The following QTGAL variants were observed in gnomAD, a reference collection of about 807,000 sequenced individuals.
QTGAL encodes the protein BGnT-like protein 1.
At chr17:83,026,817 A>G in the QTGAL span, among the ~76,000 whole-genome samples, 18 of 37,084 alleles carry the variant, frequency 4.9e-4, no homozygotes, top group South Asian at 1.9e-3. Context: ...CACACAGAGC[A>G]GGGCGGGGAG....
At chr17:83,041,169 CAG>C in the QTGAL span, among the ~76,000 whole-genome samples, 1 of 151,090 alleles carries the variant, frequency 6.6e-6, no homozygotes, top group Non-Finnish European at 1.5e-5. Flanking sequence ...TTAGCAAACA[CAG>C]AGATAGATGG....
chr17:82,959,421 G>C, the QTGAL span, among the ~76,000 whole-genome samples: 1 of 151,316 alleles, frequency 6.6e-6, no homozygotes, highest in African/African-American at 2.4e-5. Context: ...TTTCGTGCAC[G>C]TATGTGTGTG....
chr17:83,008,852 G>A, the QTGAL span, among the ~76,000 whole-genome samples: 16 of 152,260 alleles, frequency 1.1e-4, no homozygotes, highest in Middle Eastern at 3.4e-3. Flanking sequence ...ATCCCAGCCC[G>A]GATCCCTGCC....
the QTGAL span, chr17:82,942,299 A>C: frequency 3.6e-6 from 4 of 1,108,042 alleles, no homozygotes; most frequent in Admixed American, 5.0e-5. Context: ...CACATAGCTC[A>C]GGCTGCCGGG....
chr17:82,983,576 T>C, the QTGAL span, among the ~76,000 whole-genome samples: 3 of 152,286 alleles, frequency 2.0e-5, no homozygotes, highest in Middle Eastern at 0.01. Flanking sequence ...TTCTCATTCC[T>C]GCCGACCTGT....
the QTGAL span, among the ~76,000 whole-genome samples, chr17:82,963,791 C>T: frequency 6.6e-6 from 1 of 152,098 alleles, no homozygotes; most frequent in Non-Finnish European, 1.5e-5. Context: ...GGGATGACAA[C>T]TTCCTAACAT....
the QTGAL span, among the ~76,000 whole-genome samples, chr17:82,982,153 C>T: frequency 1.5e-5 from 2 of 136,544 alleles, no homozygotes; most frequent in Non-Finnish European, 3.2e-5. Flanking sequence ...GGTGATGGGC[C>T]GAGCGGGTGG....
chr17:83,050,622 G>A, the QTGAL span, among the ~76,000 whole-genome samples: 2 of 152,336 alleles, frequency 1.3e-5, no homozygotes, highest in East Asian at 3.9e-4. Context: ...GCCTTTGGGC[G>A]ACTGCTAATC....
chr17:83,021,889 T>G, the QTGAL span, among the ~76,000 whole-genome samples: 34 of 152,122 alleles, frequency 2.2e-4, no homozygotes, highest in East Asian at 1.4e-3. Flanking sequence ...AGCACAGAAA[T>G]AGATCAAATA....
At chr17:82,997,958 TCTAG>T in the QTGAL span, among the ~76,000 whole-genome samples, 3 of 146,946 alleles carry the variant, frequency 2.0e-5, no homozygotes, top group African/African-American at 7.7e-5. Flanking sequence ...TCTATATCTA[TCTAG>T]ATCTATCTAT....
the QTGAL span, among the ~76,000 whole-genome samples, chr17:82,957,912 C>T: frequency 6.6e-6 from 1 of 152,156 alleles, no homozygotes; most frequent in Non-Finnish European, 1.5e-5. Flanking sequence ...AGGGTCGCTG[C>T]CCCGAACCCT....
the QTGAL span, among the ~76,000 whole-genome samples, chr17:83,002,816 A>G: frequency 6.6e-6 from 1 of 152,088 alleles, no homozygotes; most frequent in African/African-American, 2.4e-5. Flanking sequence ...ACGCTGAAAC[A>G]CTAGCTGTGG....
chr17:82,997,433 G>A, the QTGAL span, among the ~76,000 whole-genome samples: 4 of 152,314 alleles, frequency 2.6e-5, no homozygotes, highest in East Asian at 3.9e-4. Flanking sequence ...TACAATGTCG[G>A]TGGGAATGTA....
At chr17:82,943,666 G>T in the QTGAL span, 4 of 152,234 alleles carry the variant, frequency 2.6e-5, no homozygotes, top group African/African-American at 9.7e-5. Flanking sequence ...GTGTTTAGCA[G>T]ACAGCTCTTC....
the QTGAL span, among the ~76,000 whole-genome samples, chr17:83,044,410 A>G: frequency 8.9e-4 from 136 of 152,356 alleles, no homozygotes; most frequent in African/African-American, 3.2e-3. Flanking sequence ...AATTGGTGTC[A>G]AAAAGGCATT....
At chr17:82,949,110 C>A in the QTGAL span, 1 of 152,138 alleles carries the variant, frequency 6.6e-6, no homozygotes, top group Non-Finnish European at 1.5e-5. Flanking sequence ...TGAGAAGATG[C>A]TTTCCCTCCC....
chr17:82,982,009 C>T, the QTGAL span, among the ~76,000 whole-genome samples: 1 of 151,196 alleles, frequency 6.6e-6, no homozygotes, highest in African/African-American at 2.4e-5. Flanking sequence ...GGTGATGGGC[C>T]GAGCGGGTGG....
At chr17:82,993,084 A>G in the QTGAL span, among the ~76,000 whole-genome samples, 1 of 152,192 alleles carries the variant, frequency 6.6e-6, no homozygotes, top group East Asian at 1.9e-4. Flanking sequence ...ACAACCAGAA[A>G]ACAAATAACA....
the QTGAL span, among the ~76,000 whole-genome samples, chr17:83,027,981 G>C: frequency 6.6e-6 from 1 of 152,058 alleles, no homozygotes. Flanking sequence ...AGGTGTGGTG[G>C]TATGCACCTG....
Sources: gnomAD v4.1 joint callset for allele counts (sites outside exome capture counted in the v4.1 genomes callset) on GRCh38, gnomAD v4.1.1 for gene constraint, MANE v1.5 for transcripts, NCBI Gene and HGNC (gene_info 2026-07-23, HGNC 2026-07-21) for gene names.